CHST12: variants seen among roughly 807,000 people sequenced by gnomAD.
The protein encoded by CHST12 is carbohydrate sulfotransferase 12, also known as carbohydrate (chondroitin 4) sulfotransferase 12.
A neutral mutation model predicts 27.9 loss-of-function variants in CHST12; 23 were observed. The observed-to-expected ratio is 0.82, with a 90% CI of 0.59 to 1.17. CHST12 has a LOEUF of 1.17. Ranked by LOEUF, CHST12 falls within the 50% of genes most tolerant of loss-of-function variation. The probability of loss-of-function intolerance (pLI) is 0.00; values close to 1 mark genes in which losing one functional copy is unlikely to be tolerated. For synonymous variants in CHST12, 322 were observed against 273.0 expected (o/e 1.18, Z -1.77); for missense variants, 682 against 603.0 (o/e 1.13, Z -1.37).
rs1348919396 is a variant in CHST12, at chr7:2,437,616, G to A, written c.*3732G>A. On this transcript the variant is annotated 3_prime_UTR_variant, in exon 2 of 2. Coordinates refer to ENST00000618655, the MANE Select transcript of CHST12 (RefSeq NM_018641.5). ...ATGGAGGGCAAGGGTTAGGATTTCA[G>A]TTTATCTTCCCGGTGAGGTCTGAGC... The A allele has an allele frequency of 6.6e-6, 1 of 152,204 alleles. No homozygotes were observed. The highest frequency in any genetic ancestry group is 1.5e-5 in the Non-Finnish European group (1 of 68,068). 9.4% of individuals were successfully genotyped at this position (152,204 alleles called of 1,614,324 possible).
In CHST12 at chr7:2,416,239, C is replaced by T. The variant is rs553381831; in HGVS notation, c.-78+12566C>T. ...TGAACATGAGATTGCAATTATTTGG[C>T]CACATCTTCAGGCTCCACTTCTGAT... On this transcript the variant is annotated intron_variant, in intron 1 of 1. Transcript: ENST00000618655. Among the ~76,000 whole-genome samples, 4 of 152,284 alleles carry T rather than the reference C, an allele frequency of 2.6e-5. No homozygotes were observed. In the South Asian group the frequency reaches 8.3e-4, roughly 32 times the overall value.
chr7:2,404,153 C>G (rs950530704), intron 1 of CHST12: 5 of 152,430 alleles, frequency 3.3e-5, no homozygotes, highest in African/African-American at 1.2e-4. Context: ...AACGGGGCTC[C>G]CCGGCCCCGC....
In CHST12 at chr7:2,444,550, C is replaced by G. The variant is rs1782701561; in HGVS notation, c.*10666C>G. On this transcript the variant is annotated 3_prime_UTR_variant, in exon 2 of 2. Coordinates refer to ENST00000618655, the MANE Select transcript of CHST12 (RefSeq NM_018641.5). ...TTCCTGAGCTCACCAGGGTCCTTCA[C>G]TCTGTGGCACTGGCCTCAGCCAGCA... The G allele has an allele frequency of 1.3e-5, 2 of 152,392 alleles. No individual in the cohort carries two copies. The highest frequency in any genetic ancestry group is 1.3e-4 in the Admixed American group (2 of 15,288). 9.4% of individuals were successfully genotyped at this position (152,392 alleles called of 1,614,324 possible).
intron 1 of CHST12, 46 bp from the exon 2 acceptor site, chr7:2,432,517 C>A (rs1782299206): frequency 2.6e-6 from 3 of 1,138,890 alleles, no homozygotes; most frequent in South Asian, 3.1e-5. Context: ...GGAGTCAGAG[C>A]CCCAGTGCAC....
intron 1 of CHST12, among the ~76,000 whole-genome samples, chr7:2,427,880 G>C (rs558906182): frequency 1.3e-5 from 2 of 148,308 alleles, no homozygotes; most frequent in Non-Finnish European, 3.0e-5. Context: ...GCAGTGGTGC[G>C]ATCTCGGCTC....
rs1782627044 is a variant in CHST12 at position 2,442,317 on chromosome 7, T to C, written c.*8433T>C. On this transcript the variant is annotated 3_prime_UTR_variant, in exon 2 of 2. Transcript: ENST00000618655. ...TGGGTTGCTTCCATCTCTCGGCTCT[T>C]GTGAATAATGCTGCTGTGAACACGG... The C allele has an allele frequency of 1.3e-5, 2 of 152,224 alleles. No individual in the cohort carries two copies. Among genetic ancestry groups the C allele is most frequent in the Non-Finnish European group, 1.5e-5 (1 of 68,050 alleles). 9.4% of individuals were successfully genotyped at this position (152,224 alleles called of 1,614,324 possible).
In CHST12 at chr7:2,440,519, T is replaced by C. The variant is rs1030958342; in HGVS notation, c.*6635T>C. On this transcript the variant is annotated 3_prime_UTR_variant, in exon 2 of 2. Coordinates refer to ENST00000618655, the MANE Select transcript of CHST12 (RefSeq NM_018641.5). Reference sequence around the variant, plus strand: ...AGGGTCCCAGACTTTCCTGGGATGATGGGAACTGGGCACCCCAGATGAGGC... The same window carrying C: ...AGGGTCCCAGACTTTCCTGGGATGACGGGAACTGGGCACCCCAGATGAGGC... 2.6e-5 allele frequency: 4 copies of C among 152,326 alleles called. No homozygotes were observed. The highest frequency in any genetic ancestry group is 9.7e-5 in the African/African-American group (4 of 41,408). The allele number at this position is 152,326 out of a possible 1,614,324, so 9.4% of individuals were successfully genotyped here.
rs1782394844 is a variant in CHST12 at position 2,433,989 on chromosome 7, C to T, written c.*105C>T. 7 of 860,430 alleles carry T rather than the reference C, an allele frequency of 8.1e-6. No homozygotes were observed. The South Asian group carries it at 1.2e-4, about 14-fold the overall frequency. The allele number at this position is 860,430 out of a possible 1,614,324, so 53.3% of individuals were successfully genotyped here. ...CAATCTGGGCTTCTTGTTCACTCCA[C>T]TGCCTCTATCCATTGAGTACTGTAT... On this transcript the variant is annotated 3_prime_UTR_variant, in exon 2 of 2. Transcript: ENST00000618655. The surrounding 1 kb of genome is among the most constrained non-coding windows in gnomAD (Gnocchi z 6.1).
chr7:2,411,583 G>T (rs185564386), intron 1 of CHST12, among the ~76,000 whole-genome samples: 230 of 131,732 alleles, frequency 1.7e-3, no homozygotes, highest in African/African-American at 6.5e-3. Context: ...CCACCTCCTG[G>T]GTTCAAGCAA....
rs1678880249 is a variant in CHST12 at position 2,441,510 on chromosome 7, T to C, written c.*7626T>C. ...AAGTTTGAGACCAGTCTGGGCAACA[T>C]AGTGGAAACTTGTCTCTCCAAAAGC... On this transcript the variant is annotated 3_prime_UTR_variant, in exon 2 of 2. Coordinates refer to ENST00000618655, the MANE Select transcript of CHST12 (RefSeq NM_018641.5). The C allele has an allele frequency of 1.3e-5, 2 of 151,812 alleles. No individual in the cohort carries two copies. Among genetic ancestry groups the C allele is most frequent in the African/African-American group, 4.9e-5 (2 of 41,168 alleles). The allele number at this position is 151,812 out of a possible 1,614,324, so 9.4% of individuals were successfully genotyped here.
Position 2,433,725 on chromosome 7 carries a change from C to A in CHST12, c.1086C>A (p.Leu362=). Residue 362 remains leucine (L), a synonymous_variant, in exon 2 of 2, where the codon CTC becomes CTA. Transcript: ENST00000618655. This position sits in a 1 kb window ranked among gnomAD's most constrained non-coding sequence, Gnocchi z 6.1. ...LLQLLQVDRQ[L]RFPPSYRNRT... ...AGCTACTCCAGGTGGACCGGCAGCTCCGCTTCCCCCCGAGCTACCGGAACA... is the reference window on the plus strand; with the variant it reads ...AGCTACTCCAGGTGGACCGGCAGCTACGCTTCCCCCCGAGCTACCGGAACA... 6.2e-7 allele frequency: 1 copy of A among 1,613,546 alleles called. No homozygotes were observed. Among genetic ancestry groups the A allele is most frequent in the African/African-American group, 1.3e-5 (1 of 75,056 alleles).
intron 1 of CHST12, chr7:2,404,322 G>T (rs1781463885): frequency 6.6e-6 from 1 of 151,812 alleles, no homozygotes; most frequent in Non-Finnish European, 1.5e-5. Context: ...CTCCTCTGCG[G>T]GCTCCCGGCC....
chr7:2,406,093 G>A (rs1008217450), intron 1 of CHST12, among the ~76,000 whole-genome samples: 19 of 151,934 alleles, frequency 1.3e-4, no homozygotes, highest in South Asian at 4.2e-4. Flanking sequence ...AAACACATGC[G>A]GCTTGTTTGT....
rs770234141 is a variant in CHST12, at chr7:2,445,358, C to T, written c.*11474C>T. On this transcript the variant is annotated 3_prime_UTR_variant, in exon 2 of 2. Transcript: ENST00000618655. ...AAAAAAGCTCCTGTGGGATATTTCT[C>T]CTCCAGCCGACCCCGCCCCCCAGGG... The T allele has an allele frequency of 1.3e-5, 2 of 152,314 alleles. No homozygotes were observed. Among genetic ancestry groups the T allele is most frequent in the African/African-American group, 2.4e-5 (1 of 41,452 alleles). 9.4% of individuals were successfully genotyped at this position (152,314 alleles called of 1,614,324 possible).
At chr7:2,419,622 G>A (rs1216826943) in intron 1 of CHST12, among the ~76,000 whole-genome samples, 4 of 150,606 alleles carry the variant, frequency 2.7e-5, no homozygotes, top group African/African-American at 7.4e-5. Flanking sequence ...CAGGAGAATC[G>A]CTTGAACCCG....
chr7:2,442,908 C>G lies in CHST12; in HGVS notation c.*9024C>G, dbSNP rs1402459107. ...ATGCAACAATCTAATGCCTGATGATCTGAAGTGGAACAGGTTTTTGTTTTT... is the reference window on the plus strand; with the variant it reads ...ATGCAACAATCTAATGCCTGATGATGTGAAGTGGAACAGGTTTTTGTTTTT... On this transcript the variant is annotated 3_prime_UTR_variant, in exon 2 of 2. Transcript: ENST00000618655. The G allele has an allele frequency of 5.9e-5, 9 of 152,110 alleles. No individual in the cohort carries two copies. Among genetic ancestry groups the G allele is most frequent in the African/African-American group, 2.2e-4 (9 of 41,398 alleles). 9.4% of individuals were successfully genotyped at this position (152,110 alleles called of 1,614,324 possible). A position where few individuals can be genotyped will look rare whatever the true frequency, so the allele number is the denominator to read the frequency against.
Position 2,442,790 on chromosome 7 carries a change from C to T in CHST12, c.*8906C>T, listed in dbSNP as rs1050843248. ...TGAGCGGCAGGTGAGCGTGCATTCC[C>T]GCCGGAGCCCCGCCTCCCGTCAGAT... is the stretch of plus-strand genomic sequence containing the variant. On this transcript the variant is annotated 3_prime_UTR_variant, in exon 2 of 2. Transcript: ENST00000618655. The T allele has an allele frequency of 7.2e-5, 11 of 153,284 alleles. No individual in the cohort carries two copies. Among genetic ancestry groups the T allele is most frequent in the Non-Finnish European group, 1.5e-4 (10 of 68,822 alleles). 9.5% of individuals were successfully genotyped at this position (153,284 alleles called of 1,614,324 possible).
intron 1 of CHST12, among the ~76,000 whole-genome samples, chr7:2,408,768 G>T (rs187774713): frequency 7.6e-4 from 115 of 152,310 alleles, no homozygotes; most frequent in African/African-American, 2.7e-3. Context: ...AGTAAGTCTA[G>T]ACTGAGAGAG....
At chr7:2,432,429 C>T (rs951623496) in intron 1 of CHST12, 134 bp from the exon 2 acceptor site, 18 of 607,580 alleles carry the variant, frequency 3.0e-5, no homozygotes, top group African/African-American at 2.8e-4. Flanking sequence ...CCTCCAGCCC[C>T]TCTGGAGGGC....
Sources: gnomAD v4.1 joint callset for allele counts (sites outside exome capture counted in the v4.1 genomes callset) on GRCh38, gnomAD v4.1.1 for gene constraint, Gnocchi (gnomAD v3.1) non-coding constraint, MANE v1.5 for transcripts, NCBI Gene and HGNC (gene_info 2026-07-23, HGNC 2026-07-21) for gene names.